TRPC6: variants seen among roughly 807,000 people sequenced by gnomAD.
TRPC6 encodes the protein short transient receptor potential channel 6.
TRPC6 carries 55 observed loss-of-function variants against 90.7 expected under a neutral mutation model. The ratio of observed to expected loss-of-function variants is 0.61; its 90% CI spans 0.49 to 0.76. The LOEUF (loss-of-function observed/expected upper bound fraction) is 0.76, where lower values mean the gene tolerates loss of function less well. Among genes scored for constraint, TRPC6 ranks in the 30% least tolerant of loss-of-function variants. TRPC6 has a pLI of 0.00. For synonymous variants in TRPC6, 393 were observed against 393.0 expected (o/e 1.00, Z 0.00); for missense variants, 989 against 1,122.7 (o/e 0.88, Z 1.70).
chr11:101,520,494 T>G (rs1860632808), intron 1 of TRPC6, among the ~76,000 whole-genome samples: 1 of 152,120 alleles, frequency 6.6e-6, no homozygotes, highest in South Asian at 2.1e-4. Context: ...AAAAGCAACT[T>G]TGGAACCAGG....
chr11:101,503,411 A>T (rs911123571), intron 2 of TRPC6, among the ~76,000 whole-genome samples: 12 of 152,210 alleles, frequency 7.9e-5, no homozygotes, highest in African/African-American at 2.7e-4. Flanking sequence ...TACAGCTGAA[A>T]TGCCATCTTA....
chr11:101,580,463 T>A (rs1246763445), intron 1 of TRPC6, among the ~76,000 whole-genome samples: 1 of 152,160 alleles, frequency 6.6e-6, no homozygotes, highest in Non-Finnish European at 1.5e-5. Context: ...TATTACTATT[T>A]TAACTATTAA....
chr11:101,453,031 T>C lies in TRPC6; in HGVS notation c.2720A>G (p.Glu907Gly). The change falls in exon 13 of 13, where the codon GAA becomes GGA. Residue 907 changes from glutamate (E) to glycine (G), a missense_variant. Glu to Gly is a moderately conservative substitution (Grantham distance 98). Transcript: ENST00000344327. ...TTCTCTAATAAGTTCTGCTAGGTCT[T>C]CTGTATTCTGAGATTTTTCTTCAAG... ...ELLEEKSQNT[E>G]DLAELIRELG... is the part of the protein sequence containing the mutation. 6.2e-7 allele frequency: 1 copy of C among 1,613,924 alleles called. No individual in the cohort carries two copies. Among genetic ancestry groups the C allele is most frequent in the Admixed American group, 1.7e-5 (1 of 60,008 alleles).
intron 10 of TRPC6, among the ~76,000 whole-genome samples, chr11:101,465,307 G>A (rs766997836): frequency 1.3e-5 from 2 of 151,996 alleles, no homozygotes; most frequent in African/African-American, 4.8e-5. Context: ...GGTGGTCTTT[G>A]TATTTCCTGA....
intron 5 of TRPC6, among the ~76,000 whole-genome samples, chr11:101,481,473 T>C (rs1196371878): frequency 2.0e-5 from 3 of 148,190 alleles, no homozygotes; most frequent in Non-Finnish European, 4.5e-5. Context: ...TGAAATTCCA[T>C]GGGCACTTCA....
At chr11:101,547,139 C>A (rs1194261914) in intron 1 of TRPC6, among the ~76,000 whole-genome samples, 1 of 152,106 alleles carries the variant, frequency 6.6e-6, no homozygotes, top group South Asian at 2.1e-4. Flanking sequence ...GCCATTGCTA[C>A]ATGGAATTCA....
chr11:101,484,806 A>G (rs1411434390), intron 4 of TRPC6, among the ~76,000 whole-genome samples: 3 of 152,058 alleles, frequency 2.0e-5, no homozygotes, highest in Non-Finnish European at 4.4e-5. Context: ...TATAATACGT[A>G]ATATCATGTA....
intron 1 of TRPC6, among the ~76,000 whole-genome samples, chr11:101,567,237 A>C (rs1281508040): frequency 3.9e-5 from 6 of 152,120 alleles, no homozygotes; most frequent in Non-Finnish European, 8.8e-5. Flanking sequence ...CTCACAGTAT[A>C]AACAAAGCCC....
At chr11:101,457,933 A>C (rs1048579249) in intron 10 of TRPC6, among the ~76,000 whole-genome samples, 1 of 152,186 alleles carries the variant, frequency 6.6e-6, no homozygotes, top group Admixed American at 6.6e-5. Context: ...TAATCTACAC[A>C]TACCCCTTTA....
intron 1 of TRPC6, among the ~76,000 whole-genome samples, chr11:101,526,900 T>TAAAAAAAAAAAA (rs1860794749): frequency 9.3e-5 from 8 of 86,132 alleles, no homozygotes; most frequent in South Asian, 3.8e-4. Context: ...AAAAAAAAAT[T>TAAAAAAAAAAAA]AAATAGTCTT....
At chr11:101,496,294 T>A (rs1194336022) in intron 2 of TRPC6, among the ~76,000 whole-genome samples, 1 of 152,156 alleles carries the variant, frequency 6.6e-6, no homozygotes, top group Non-Finnish European at 1.5e-5. Flanking sequence ...TATTATACTA[T>A]GATATATACA....
chr11:101,504,566 T>C lies in TRPC6; in HGVS notation c.403A>G (p.Asn135Asp), dbSNP rs1464309476. The change falls in exon 2 of 13, where the codon AAT becomes GAT. Residue 135 changes from asparagine (N) to aspartate (D), a missense_variant. This residue lies in a region of TRPC6 where 486 missense variants were observed against 591.9 expected (regional missense o/e 0.82). Coordinates refer to ENST00000344327, the MANE Select transcript of TRPC6 (RefSeq NM_004621.6). The stretch of plus-strand genomic sequence containing the variant: ...TTGGCCACTGCCAACTGTAGGGCAT[T>C]CTGGCCCATGTAATCCACACAGTTA... Reference protein sequence around the residue: ...NVNCVDYMGQNALQLAVANEH... With the variant: ...NVNCVDYMGQDALQLAVANEH... 1.9e-6 allele frequency: 3 copies of C among 1,614,056 alleles called. No homozygotes were observed. The highest frequency in any genetic ancestry group is 2.5e-6 in the Non-Finnish European group (3 of 1,180,026).
intron 6 of TRPC6, among the ~76,000 whole-genome samples, chr11:101,475,266 A>G (rs534633068): frequency 5.9e-5 from 9 of 152,270 alleles, no homozygotes; most frequent in African/African-American, 9.6e-5. Context: ...AATACTTTTT[A>G]TATATCTTAA....
At chr11:101,547,526 T>G (rs12798282) in intron 1 of TRPC6, among the ~76,000 whole-genome samples, 15,574 of 152,162 alleles carry the variant, frequency 0.1, 910 homozygotes, top group Middle Eastern at 0.13. Context: ...GAACTTACAC[T>G]CCCCGCGCAT....
chr11:101,491,358 C>T (rs527896452), intron 3 of TRPC6, 198 bp downstream of exon 3: 188 of 515,940 alleles, frequency 3.6e-4, no homozygotes, highest in Non-Finnish European at 5.7e-4. Context: ...GGCCTGAACC[C>T]GGGAGGCGGA....
chr11:101,556,157 A>G (rs561501039), intron 1 of TRPC6, among the ~76,000 whole-genome samples: 5 of 152,286 alleles, frequency 3.3e-5, no homozygotes, highest in African/African-American at 9.6e-5. Context: ...TTATACCTCA[A>G]TGAAACAGAA....
chr11:101,571,673 T>C (rs1217651929), intron 1 of TRPC6, among the ~76,000 whole-genome samples: 2 of 152,048 alleles, frequency 1.3e-5, no homozygotes, highest in Non-Finnish European at 2.9e-5. Context: ...AAAACAGATA[T>C]ACAGACCAAC....
At chr11:101,582,270 G>A (rs1172038494) in intron 1 of TRPC6, among the ~76,000 whole-genome samples, 1 of 152,166 alleles carries the variant, frequency 6.6e-6, no homozygotes, top group Non-Finnish European at 1.5e-5. Context: ...CAGGGCTTGA[G>A]GCTGGGCAGC....
At chr11:101,527,479 C>T (rs1860805277) in intron 1 of TRPC6, among the ~76,000 whole-genome samples, 1 of 152,126 alleles carries the variant, frequency 6.6e-6, no homozygotes, top group African/African-American at 2.4e-5. Context: ...TCAAAATTTA[C>T]ATTTTTGATG....
Sources: gnomAD v4.1 joint callset for allele counts (sites outside exome capture counted in the v4.1 genomes callset) on GRCh38, gnomAD v4.1.1 for gene constraint, gnomAD v4.1.1 regional missense constraint, MANE v1.5 for transcripts, NCBI Gene and HGNC (gene_info 2026-07-23, HGNC 2026-07-21) for gene names.